Variants in SPATS2L observed in about 807,000 individuals in gnomAD.
SPATS2L encodes spermatogenesis associated serine rich 2 like, also known as SPATS2-like protein.
SPATS2L carries 30 observed loss-of-function variants against 59.6 expected under a neutral mutation model. The ratio of observed to expected loss-of-function variants is 0.50; its 90% CI spans 0.38 to 0.68. The LOEUF is 0.68. Among genes scored for constraint, SPATS2L ranks in the 30% least tolerant of loss-of-function variants. SPATS2L has a pLI of 0.00. For synonymous variants in SPATS2L, 252 were observed against 263.5 expected (o/e 0.96, Z 0.42); for missense variants, 615 against 700.0 (o/e 0.88, Z 1.37).
intron 1 of SPATS2L, among the ~76,000 whole-genome samples, chr2:200,315,979 C>T (rs1489756306): frequency 1.4e-5 from 2 of 139,470 alleles, no homozygotes; most frequent in Non-Finnish European, 3.0e-5. Flanking sequence ...GAGGGGAGAT[C>T]GTGCCACTGC....
In SPATS2L at chr2:200,379,406, GT is replaced by G. The variant is rs140015771; in HGVS notation, c.-22-9815del. Among the ~76,000 whole-genome samples the G allele has an allele frequency of 2.5e-3, 384 of 152,340 alleles. 2 individuals carry two copies. The highest frequency in any genetic ancestry group is 8.8e-3 in the African/African-American group (366 of 41,578). On this transcript the variant is annotated intron_variant, in intron 2 of 12. Transcript: ENST00000409140. ...GAGCATTGCTGGGTATACGGTAAGA[GT>G]TCAGTAAGTGTAGCTTTAACCACTG...
At chr2:200,441,436 G>A (rs1318775451) in intron 8 of SPATS2L, among the ~76,000 whole-genome samples, 2 of 152,176 alleles carry the variant, frequency 1.3e-5, no homozygotes, top group African/African-American at 4.8e-5. Context: ...CTTTCAGTTT[G>A]GAGTGGCAGA....
At chr2:200,429,447 C>T (rs1559124389) in intron 6 of SPATS2L, among the ~76,000 whole-genome samples, 1 of 152,272 alleles carries the variant, frequency 6.6e-6, no homozygotes, top group East Asian at 1.9e-4. Flanking sequence ...TGTGTGGCTA[C>T]CAGAGGAACG....
intron 9 of SPATS2L, 88 bp from the exon 10 acceptor site, chr2:200,467,202 T>A: frequency 1.1e-6 from 1 of 900,662 alleles, no homozygotes; most frequent in Non-Finnish European, 1.8e-6. Context: ...GCAATCAGTC[T>A]GTGGAGTGAG....
intron 7 of SPATS2L, 102 bp downstream of exon 7, chr2:200,439,430 G>C: frequency 1.0e-6 from 1 of 966,376 alleles, no homozygotes; most frequent in South Asian, 1.6e-5. Context: ...AGTGAAGAGA[G>C]ATGCACATGA....
chr2:200,454,250 C>G (rs2085675365), intron 8 of SPATS2L, among the ~76,000 whole-genome samples: 1 of 152,164 alleles, frequency 6.6e-6, no homozygotes, highest in African/African-American at 2.4e-5. Context: ...TGCTTTCATT[C>G]CTCGGTATCT....
rs1174421900 is a variant in SPATS2L at position 200,459,826 on chromosome 2, C to T, written c.846C>T (p.Ala282=). 6.2e-7 allele frequency: 1 copy of T among 1,607,444 alleles called. No homozygotes were observed. Among genetic ancestry groups the T allele is most frequent in the Non-Finnish European group, 8.5e-7 (1 of 1,174,966 alleles). Residue 282 remains alanine, a splice_region_variant and synonymous_variant, in exon 9 of 13, where the codon GCC becomes GCT. Transcript: ENST00000409140. ...MAEMDKVKEE[A]MEILTARQKK... ...AAATGGATAAAGTTAAAGAAGAAGC[C>T]AGTAAGTAGACAACACATGGTTATT...
At position 200,441,468 on chromosome 2, in the gene SPATS2L, G is replaced by A. The variant is rs143463567; in HGVS notation, c.788+684G>A. Among the ~76,000 whole-genome samples, 3 of 152,274 alleles carry A rather than the reference G, an allele frequency of 2.0e-5. No individual in the cohort carries two copies. In the East Asian group the frequency reaches 5.8e-4, roughly 29 times the overall value. ...CAGAAATCAAGTCACAGAAGTTAAA[G>A]ACAAAAGAGAATTTATTGGCTGATA... On this transcript the variant is annotated intron_variant, in intron 8 of 12. Coordinates refer to ENST00000409140, the MANE Select transcript of SPATS2L (RefSeq NM_001100423.2).
chr2:200,396,030 AAAAATAT>A (rs1276783203), intron 3 of SPATS2L, among the ~76,000 whole-genome samples: 4 of 42,148 alleles, frequency 9.5e-5, no homozygotes, highest in Non-Finnish European at 1.7e-4. Context: ...AAAAAAAAAA[AAAAATAT>A]ATATATATAT....
intron 11 of SPATS2L, among the ~76,000 whole-genome samples, chr2:200,470,749 ATACTG>A (rs975704200): frequency 2.4e-4 from 37 of 152,324 alleles, no homozygotes; most frequent in African/African-American, 8.2e-4. Context: ...AGAATTAACT[ATACTG>A]TACTACACTG....
intron 6 of SPATS2L, among the ~76,000 whole-genome samples, chr2:200,436,371 AATG>A (rs1256187750): frequency 2.6e-5 from 4 of 152,216 alleles, no homozygotes; most frequent in African/African-American, 9.6e-5. Flanking sequence ...CACATGCAGT[AATG>A]ATGAACAAGA....
intron 2 of SPATS2L, among the ~76,000 whole-genome samples, chr2:200,376,326 T>C (rs1392124971): frequency 6.6e-6 from 1 of 152,232 alleles, no homozygotes; most frequent in African/African-American, 2.4e-5. Context: ...AGATAGTAAA[T>C]ATGACCCCCT....
At chr2:200,335,579 A>G (rs2080116264) in intron 2 of SPATS2L, among the ~76,000 whole-genome samples, 1 of 152,188 alleles carries the variant, frequency 6.6e-6, no homozygotes, top group African/African-American at 2.4e-5. Context: ...TTAAAAAGAT[A>G]AAGTAACTAT....
chr2:200,416,535 A>G, intron 5 of SPATS2L, 107 bp downstream of exon 5: 1 of 494,850 alleles, frequency 2.0e-6, no homozygotes, highest in Non-Finnish European at 3.5e-6. Context: ...AAGTATGTTA[A>G]TATATACACC....
intron 8 of SPATS2L, among the ~76,000 whole-genome samples, chr2:200,446,407 G>GA (rs1460230267): frequency 6.6e-6 from 1 of 152,304 alleles, no homozygotes; most frequent in East Asian, 1.9e-4. Context: ...CTTGCAAAGG[G>GA]AGTGATATGT....
chr2:200,419,967 A>G (rs2083242516), intron 6 of SPATS2L, among the ~76,000 whole-genome samples: 4 of 152,220 alleles, frequency 2.6e-5, no homozygotes, highest in African/African-American at 9.6e-5. Context: ...ATGAAGGAAT[A>G]GTTGATGACA....
Position 200,440,749 on chromosome 2 carries a change from G to C in SPATS2L, c.753G>C (p.Lys251Asn). 1 of 1,613,642 alleles carries C rather than the reference G, an allele frequency of 6.2e-7. No individual in the cohort carries two copies. Among genetic ancestry groups the C allele is most frequent in the Non-Finnish European group, 8.5e-7 (1 of 1,179,660 alleles). The change falls in exon 8 of 13, where the codon AAG (lysine) becomes AAC (asparagine). Residue 251 changes from lysine (K) to asparagine (N), a missense_variant. Physicochemically the swap from Lys to Asn is moderately conservative, Grantham distance 94. Coordinates refer to ENST00000409140, the MANE Select transcript of SPATS2L (RefSeq NM_001100423.2). ...AGGAAGAAGTGGATAGTTCCGTGAA[G>C]AAGATCAAAGCTGCCTTTGCTGAAT... The part of the protein sequence containing the change: ...MIKEEVDSSV[K>N]KIKAAFAELH...
intron 2 of SPATS2L, among the ~76,000 whole-genome samples, chr2:200,363,227 C>A (rs1272211468): frequency 6.6e-6 from 1 of 151,846 alleles, no homozygotes; most frequent in Non-Finnish European, 1.5e-5. Flanking sequence ...ACTACCACCT[C>A]GTTATAAAAT....
intron 8 of SPATS2L, among the ~76,000 whole-genome samples, chr2:200,450,766 C>T (rs540152001): frequency 6.6e-6 from 1 of 152,142 alleles, no homozygotes; most frequent in Non-Finnish European, 1.5e-5. Flanking sequence ...GGGATAAAGA[C>T]AGTCTTCCTC....
Sources: gnomAD v4.1 joint callset for allele counts (sites outside exome capture counted in the v4.1 genomes callset) on GRCh38, gnomAD v4.1.1 for gene constraint, MANE v1.5 for transcripts, NCBI Gene and HGNC (gene_info 2026-07-23, HGNC 2026-07-21) for gene names.